The following PER1 variants were observed in gnomAD, a reference collection of about 807,000 sequenced individuals.
PER1 encodes period circadian regulator 1.
A neutral mutation model predicts 125.9 loss-of-function variants in PER1; 87 were observed. The observed-to-expected ratio is 0.69, with a 90% CI of 0.58 to 0.83. PER1 has a LOEUF of 0.83. Among genes scored for constraint, PER1 ranks in the 40% least tolerant of loss-of-function variants. The pLI, the probability that PER1 is intolerant of heterozygous loss-of-function variation, is 0.00. For synonymous variants in PER1, 801 were observed against 714.7 expected (o/e 1.12, Z -1.93); for missense variants, 1,775 against 1,722.8 (o/e 1.03, Z -0.54).
At chr17:8,146,277 A>G (rs1183157667) in intron 16 of PER1, 95 bp downstream of exon 16, 1 of 1,528,634 alleles carries the variant, frequency 6.5e-7, no homozygotes, top group Non-Finnish European at 8.8e-7. Flanking sequence ...GGAGGAGAGC[A>G]GGGCAGAGCA....
At chr17:8,148,968 C>T (rs2151861418) in intron 7 of PER1, 182 bp from the exon 8 acceptor site, 1 of 683,550 alleles carries the variant, frequency 1.5e-6, no homozygotes, top group East Asian at 2.8e-5. Flanking sequence ...GCAGGCGGAT[C>T]ACCTGAGGTC....
Position 8,143,772 on chromosome 17 carries a change from CAT to C in PER1, c.2564_2565del (p.Tyr855CysfsTer70), listed in dbSNP as rs1409302460. Reference sequence around the variant, plus strand: ...GGTGGCACGGGTGAGGGGTGTGAGACATAGCAGGGCGCTTCAGCCCGAGGGTT... The same window carrying C: ...GGTGGCACGGGTGAGGGGTGTGAGACAGCAGGGCGCTTCAGCCCGAGGGTT... Reference protein sequence around the residue: ...HQNPRAEAPCYVSHPSPVPPS... With the variant: ...HQNPRAEAPCXVSHPSPVPPS... On this transcript the variant is annotated frameshift_variant, in exon 19 of 23. Transcript: ENST00000317276. LOFTEE classifies it high-confidence loss of function. 1 of 1,601,842 alleles carries C rather than the reference CAT, an allele frequency of 6.2e-7. No homozygotes were observed. The highest frequency in any genetic ancestry group is 8.5e-7 in the Non-Finnish European group (1 of 1,172,944).
rs376281155 is a variant in PER1 at position 8,143,793 on chromosome 17, G to T, written c.2545C>A (p.Arg849=). The change falls in exon 19 of 23, where the codon CGG becomes AGG. Residue 849 remains arginine (R), a synonymous_variant. Transcript: ENST00000317276. ...GAGACATAGCAGGGCGCTTCAGCCCGAGGGTTCTGGTGGTGGCGTGAGCGC... is the reference window on the plus strand; with the variant it reads ...GAGACATAGCAGGGCGCTTCAGCCCTAGGGTTCTGGTGGTGGCGTGAGCGC... The part of the protein sequence containing the change: ...AKRSRHHQNP[R]AEAPCYVSHP... The T allele has an allele frequency of 3.1e-6, 5 of 1,610,478 alleles. No homozygotes were observed. The highest frequency in any genetic ancestry group is 4.2e-6 in the Non-Finnish European group (5 of 1,177,934).
At position 8,140,580 on chromosome 17, in the gene PER1, G is replaced by A. The variant is rs1001683786; in HGVS notation, c.*488C>T. ...GAGAACGCCTGGGTCCCACCTGAGG[G>A]GCAGCACCAGGGACTCCATGGTCCA... On this transcript the variant is annotated 3_prime_UTR_variant, in exon 23 of 23. Transcript: ENST00000317276. 4.7e-5 allele frequency: 11 copies of A among 235,668 alleles called. No homozygotes were observed. Among genetic ancestry groups the A allele is most frequent in the Non-Finnish European group, 8.4e-5 (10 of 119,378 alleles). The allele number at this position is 235,668 out of a possible 1,614,324, so 14.6% of individuals were successfully genotyped here.
chr17:8,149,116 G>A, intron 7 of PER1, 143 bp downstream of exon 7: 2 of 760,536 alleles, frequency 2.6e-6, no homozygotes, highest in Non-Finnish European at 4.5e-6. Context: ...TTGAACCTGG[G>A]AGGCGGAGGT....
Position 8,149,983 on chromosome 17 carries a change from T to A in PER1, c.517A>T (p.Lys173Ter). The change falls in exon 4 of 23, where the codon AAG (lysine) becomes TAG (stop). Residue 173 changes from lysine (K) to a stop codon, truncating the protein, a stop_gained. Transcript: ENST00000317276. LOFTEE classifies it high-confidence loss of function. The stretch of plus-strand genomic sequence containing the variant: ...ACACACCACTTACCCTGCACCTGCT[T>A]GACACAGGCCAGTGCGTACTGCAGC... ...ATLQYALACV[K>*]QVQANQEYYQ... The A allele has an allele frequency of 6.2e-7, 1 of 1,613,514 alleles. No homozygotes were observed. The highest frequency in any genetic ancestry group is 8.5e-7 in the Non-Finnish European group (1 of 1,179,506).
intron 21 of PER1, 106 bp downstream of exon 21, chr17:8,142,163 G>T: frequency 8.9e-7 from 1 of 1,125,254 alleles, no homozygotes; most frequent in Non-Finnish European, 1.3e-6. Context: ...CAGGAAGAAA[G>T]ATAGAAACGT....
chr17:8,147,199 A>G (rs748658920), intron 13 of PER1, 51 bp downstream of exon 13: 25 of 1,561,058 alleles, frequency 1.6e-5, no homozygotes, highest in South Asian at 8.2e-5. Context: ...TGGTTCCAAG[A>G]AGGAGAGGGG....
chr17:8,147,908 A>G, intron 10 of PER1, 81 bp from the exon 11 acceptor site: 1 of 1,588,188 alleles, frequency 6.3e-7, no homozygotes, highest in South Asian at 1.1e-5. Flanking sequence ...GAGATCCAGG[A>G]GACCAAGGCA....
chr17:8,151,986 C>T (rs1647895313), intron 1 of PER1, among the ~76,000 whole-genome samples: 1 of 152,176 alleles, frequency 6.6e-6, no homozygotes, highest in South Asian at 2.1e-4. Context: ...AACAGAGACA[C>T]GGGGAGCGCT....
At position 8,143,454 on chromosome 17, in the gene PER1, C is replaced by T; in HGVS notation, c.2884G>A (p.Ala962Thr). 1 of 1,608,566 alleles carries T rather than the reference C, an allele frequency of 6.2e-7. No homozygotes were observed. The highest frequency in any genetic ancestry group is 2.2e-5 in the East Asian group (1 of 44,642). The change falls in exon 19 of 23, where the codon GCC (alanine) becomes ACC (threonine). Residue 962 changes from alanine to threonine, a missense_variant. Coordinates refer to ENST00000317276, the MANE Select transcript of PER1 (RefSeq NM_002616.3). The stretch of plus-strand genomic sequence containing the variant: ...TCCGGGCGGTGAGGAGGACTCGGGG[C>T]GAGGGCGGGCAAGGATGGAGAAGGG... The part of the protein sequence containing the change: ...HSPSPSLPAL[A>T]PSPPHRPDSP...
At chr17:8,148,910 C>T (rs765764681) in intron 7 of PER1, 124 bp from the exon 8 acceptor site, 192 of 1,159,306 alleles carry the variant, frequency 1.7e-4, no homozygotes, top group African/African-American at 2.2e-4. Context: ...AGAGGTAGGC[C>T]GGGCACGGTG....
At chr17:8,144,572 C>G (rs1237798429) in intron 18 of PER1, 179 bp downstream of exon 18, 3 of 791,936 alleles carry the variant, frequency 3.8e-6, no homozygotes, top group African/African-American at 3.5e-5. Context: ...GGCTGCAGCC[C>G]GGAACCCCAT....
intron 17 of PER1, among the ~76,000 whole-genome samples, chr17:8,145,693 T>G (rs1045477838): frequency 6.6e-6 from 1 of 152,184 alleles, no homozygotes; most frequent in African/African-American, 2.4e-5. Flanking sequence ...CTTCAGACCC[T>G]GTGTGGTCAG....
rs1194122404 is a variant in PER1, at chr17:8,150,463, C to T, written c.244G>A (p.Ala82Thr). Residue 82 changes from alanine (A) to threonine (T), a missense_variant, in exon 2 of 23, where the codon GCC (alanine) becomes ACC (threonine). Physicochemically the swap from Ala to Thr is moderately conservative, Grantham distance 58. Coordinates refer to ENST00000317276, the MANE Select transcript of PER1 (RefSeq NM_002616.3). ...CTGCTCTCAGTGGTCTCCAGCAGGGCTGAGTCCTTGCCGTTGCCTGAGGAG... is the reference window on the plus strand; with the variant it reads ...CTGCTCTCAGTGGTCTCCAGCAGGGTTGAGTCCTTGCCGTTGCCTGAGGAG... ...SSSSGNGKDS[A>T]LLETTESSKS... 1 of 1,613,478 alleles carries T rather than the reference C, an allele frequency of 6.2e-7. No individual in the cohort carries two copies. Among genetic ancestry groups the T allele is most frequent in the Admixed American group, 1.7e-5 (1 of 59,944 alleles).
Position 8,140,539 on chromosome 17 carries a change from G to A in PER1, c.*529C>T, listed in dbSNP as rs879363438. The A allele has an allele frequency of 5.8e-5, 13 of 225,778 alleles. No individual in the cohort carries two copies. The highest frequency in any genetic ancestry group is 1.1e-4 in the African/African-American group (5 of 44,822). 14.0% of individuals were successfully genotyped at this position (225,778 alleles called of 1,614,324 possible). On this transcript the variant is annotated 3_prime_UTR_variant, in exon 23 of 23. Transcript: ENST00000317276. ...AAATATCAAAAACACAAATGCCATC[G>A]GCAGAGGGTACAGCTGAGAACGCCT...
In PER1 at chr17:8,141,074, G is replaced by A. The variant is rs377105286; in HGVS notation, c.3867C>T (p.Thr1289=). 1.2e-6 allele frequency: 2 copies of A among 1,611,948 alleles called. No homozygotes were observed. The highest frequency in any genetic ancestry group is 1.7e-6 in the Non-Finnish European group (2 of 1,178,466). The change falls in exon 23 of 23, where the codon ACC becomes ACT. Residue 1289 remains threonine, a synonymous_variant. Coordinates refer to ENST00000317276, the MANE Select transcript of PER1 (RefSeq NM_002616.3). Reference sequence around the variant, plus strand: ...GATGGTCCCAGAATGGAGTCTAGCTGGTGCAGTTTCCTGCTGTAGGTAAGG... The same window carrying A: ...GATGGTCCCAGAATGGAGTCTAGCTAGTGCAGTTTCCTGCTGTAGGTAAGG... ...SPALPTAGNC[T]S
In PER1 at chr17:8,143,337, C is replaced by A. The variant is rs1259766057; in HGVS notation, c.3001G>T (p.Ala1001Ser). 1 of 1,608,146 alleles carries A rather than the reference C, an allele frequency of 6.2e-7. No homozygotes were observed. Among genetic ancestry groups the A allele is most frequent in the Non-Finnish European group, 8.5e-7 (1 of 1,177,042 alleles). ...CCGGCACTGCTCCCAGGGCCTCCTG[C>A]AACAGCAGCCCCCTCAGCACGGGGG... ...ELPRAEGAAV[A>S]GGPGSSAGPP... The change falls in exon 19 of 23, where the codon GCA (alanine) becomes TCA (serine). Residue 1001 changes from alanine to serine, a missense_variant. By Grantham distance (99) the Ala-to-Ser change is moderately conservative (BLOSUM62 1). Transcript: ENST00000317276.
chr17:8,143,868 G>T lies in PER1; in HGVS notation c.2470C>A (p.His824Asn). The change falls in exon 19 of 23, where the codon CAC (histidine) becomes AAC (asparagine). Residue 824 changes from histidine (H) to asparagine (N), a missense_variant. By Grantham distance (68) the His-to-Asn change is moderately conservative. Transcript: ENST00000317276. ...PSALGERGCH[H>N]GPAPPSRRHH... is the part of the protein sequence containing the mutation. ...CGGCGGCTTGGGGGTGCGGGGCCGTGGTGGCAGCCTGTGGGGAGAGACTAG... is the reference window on the plus strand; with the variant it reads ...CGGCGGCTTGGGGGTGCGGGGCCGTTGTGGCAGCCTGTGGGGAGAGACTAG... 1 of 1,608,962 alleles carries T rather than the reference G, an allele frequency of 6.2e-7. No homozygotes were observed. The highest frequency in any genetic ancestry group is 1.1e-5 in the South Asian group (1 of 90,804).
Sources: gnomAD v4.1 joint callset for allele counts (sites outside exome capture counted in the v4.1 genomes callset) on GRCh38, gnomAD v4.1.1 for gene constraint, MANE v1.5 for transcripts, NCBI Gene and HGNC (gene_info 2026-07-23, HGNC 2026-07-21) for gene names.